The following SPATA16 variants were observed in gnomAD, a reference collection of about 807,000 sequenced individuals.
The protein encoded by SPATA16 is spermatogenesis associated 16, also known as spermatogenesis-associated protein 16.
Under a neutral mutation model 63.3 loss-of-function variants are expected in SPATA16, and 36 were observed. That is an observed-to-expected ratio of 0.57 (90% CI 0.44 to 0.75). The LOEUF (loss-of-function observed/expected upper bound fraction) is 0.75, where lower values mean the gene tolerates loss of function less well. Among genes scored for constraint, SPATA16 ranks in the 30% least tolerant of loss-of-function variants. SPATA16 has a pLI of 0.00. For synonymous variants in SPATA16, 203 were observed against 216.7 expected, an observed-to-expected ratio of 0.94 and a Z score of 0.56; for missense variants, 646 against 679.3, an observed-to-expected ratio of 0.95 and a Z score of 0.54.
chr3:173,034,880 G>T (rs1461263767), intron 3 of SPATA16, among the ~76,000 whole-genome samples: 1 of 152,072 alleles, frequency 6.6e-6, no homozygotes, highest in African/African-American at 2.4e-5. Flanking sequence ...ATAAATGAAT[G>T]TATTAATGGT....
chr3:172,895,561 C>T (rs1002974676), intron 10 of SPATA16, among the ~76,000 whole-genome samples: 1 of 152,104 alleles, frequency 6.6e-6, no homozygotes, highest in Non-Finnish European at 1.5e-5. Flanking sequence ...GTCTTGAACT[C>T]CTGGCCTCAA....
intron 8 of SPATA16, among the ~76,000 whole-genome samples, chr3:172,920,156 C>G (rs1161061303): frequency 1.3e-5 from 2 of 152,142 alleles, no homozygotes; most frequent in African/African-American, 4.8e-5. Flanking sequence ...TGATTTTGAG[C>G]CCTAGCTGTG....
At chr3:173,039,956 C>G (rs1349140245) in intron 3 of SPATA16, among the ~76,000 whole-genome samples, 2 of 152,102 alleles carry the variant, frequency 1.3e-5, no homozygotes, top group African/African-American at 4.8e-5. Flanking sequence ...GAAGGCTCCT[C>G]AGGGAATCTG....
chr3:173,093,040 AACAC>A (rs57114377), intron 2 of SPATA16, among the ~76,000 whole-genome samples: 6,466 of 142,572 alleles, frequency 0.045, 169 homozygotes, highest in East Asian at 0.067. Flanking sequence ...ATGCACCTAA[AACAC>A]ACACACACAC....
At chr3:173,086,819 T>C (rs1465394088) in intron 2 of SPATA16, among the ~76,000 whole-genome samples, 1 of 152,200 alleles carries the variant, frequency 6.6e-6, no homozygotes, top group Non-Finnish European at 1.5e-5. Flanking sequence ...AGCAGGTTGT[T>C]CAATTTCCAT....
At chr3:173,068,021 C>T (rs953467466) in intron 2 of SPATA16, among the ~76,000 whole-genome samples, 72 of 152,198 alleles carry the variant, frequency 4.7e-4, no homozygotes, top group Middle Eastern at 3.2e-3. Flanking sequence ...AATTATCCTT[C>T]AAACATGAAG....
At position 172,904,679 on chromosome 3, in the gene SPATA16, G is replaced by T. The variant is rs190860772; in HGVS notation, c.1587+8982C>A. Among the ~76,000 whole-genome samples the T allele has an allele frequency of 3.2e-3, 494 of 152,308 alleles. 3 individuals carry two copies. Among genetic ancestry groups the T allele is most frequent in the African/African-American group, 0.011 (468 of 41,574 alleles). The stretch of plus-strand genomic sequence containing the variant: ...ACCTATTAACCTTATACTTTTCCCT[G>T]GAAGTCAGAGGAGAAAGATGTTGGT... On this transcript the variant is annotated intron_variant, in intron 10 of 10. Transcript: ENST00000351008.
chr3:173,010,261 C>G (rs578057910), intron 4 of SPATA16, among the ~76,000 whole-genome samples: 2 of 152,274 alleles, frequency 1.3e-5, no homozygotes, highest in African/African-American at 4.8e-5. Flanking sequence ...CCTCTGTTGC[C>G]CCCAGGTTGG....
intron 6 of SPATA16, among the ~76,000 whole-genome samples, chr3:172,949,427 T>TA (rs1314006760): frequency 6.6e-6 from 1 of 152,138 alleles, no homozygotes; most frequent in Non-Finnish European, 1.5e-5. Flanking sequence ...CTCTACAAAG[T>TA]AAAAAAATTT....
chr3:173,069,026 C>T (rs980239487), intron 2 of SPATA16, among the ~76,000 whole-genome samples: 8 of 149,654 alleles, frequency 5.3e-5, no homozygotes, highest in Admixed American at 4.0e-4. Context: ...AGGAGAATGG[C>T]GTGAACCCGG....
At chr3:173,038,708 G>A (rs758037162) in intron 3 of SPATA16, among the ~76,000 whole-genome samples, 1 of 152,082 alleles carries the variant, frequency 6.6e-6, no homozygotes, top group Non-Finnish European at 1.5e-5. Flanking sequence ...GTGCTAAATC[G>A]AGCAAATGTG....
intron 4 of SPATA16, among the ~76,000 whole-genome samples, chr3:172,985,261 C>G (rs1366414373): frequency 6.6e-6 from 1 of 152,162 alleles, no homozygotes; most frequent in African/African-American, 2.4e-5. Flanking sequence ...AAATCTATAG[C>G]AAATATATGC....
At chr3:172,941,978 A>T (rs1314763022) in intron 6 of SPATA16, among the ~76,000 whole-genome samples, 2 of 152,148 alleles carry the variant, frequency 1.3e-5, no homozygotes, top group African/African-American at 4.8e-5. Context: ...ATTTAATGTT[A>T]TTGTAAATAA....
At chr3:172,895,064 G>C (rs1482436776) in intron 10 of SPATA16, among the ~76,000 whole-genome samples, 1 of 152,142 alleles carries the variant, frequency 6.6e-6, no homozygotes, top group Non-Finnish European at 1.5e-5. Flanking sequence ...TTAAACTTTT[G>C]TGTTGGGATA....
intron 4 of SPATA16, among the ~76,000 whole-genome samples, chr3:173,014,432 A>G (rs1735135436): frequency 6.6e-6 from 1 of 152,170 alleles, no homozygotes; most frequent in Non-Finnish European, 1.5e-5. Flanking sequence ...GGGTACTGCT[A>G]AAGTGGGGAG....
intron 4 of SPATA16, among the ~76,000 whole-genome samples, chr3:172,992,656 G>A (rs1229732711): frequency 1.3e-5 from 2 of 152,120 alleles, no homozygotes; most frequent in African/African-American, 4.8e-5. Flanking sequence ...CTGGGTAGAA[G>A]GGAGTTGATG....
chr3:173,009,954 G>C lies in SPATA16; in HGVS notation c.848+9532C>G, dbSNP rs571366326. On this transcript the variant is annotated intron_variant, in intron 4 of 10. Coordinates refer to ENST00000351008, the MANE Select transcript of SPATA16 (RefSeq NM_031955.6). ...TTACTATATGCAAATAAAGTTCCGT[G>C]ACCAGTCTGATTGGTTGTGGGAGGG... 5.9e-5 allele frequency among the ~76,000 whole-genome samples: 9 copies of C among 152,298 alleles called. No homozygotes were observed. In the South Asian group the frequency reaches 1.9e-3, roughly 32 times the overall value.
intron 1 of SPATA16, among the ~76,000 whole-genome samples, chr3:173,124,004 G>C (rs1738159723): frequency 6.6e-6 from 1 of 152,064 alleles, no homozygotes; most frequent in East Asian, 1.9e-4. Context: ...AAAATGATGT[G>C]GACATAAAAC....
chr3:172,912,453 T>G (rs912050443), intron 10 of SPATA16, among the ~76,000 whole-genome samples: 1 of 152,110 alleles, frequency 6.6e-6, no homozygotes, highest in Non-Finnish European at 1.5e-5. Flanking sequence ...AGTTTCTGGG[T>G]TTTTTTGTAC....
Sources: gnomAD v4.1 joint callset for allele counts (sites outside exome capture counted in the v4.1 genomes callset) on GRCh38, gnomAD v4.1.1 for gene constraint, MANE v1.5 for transcripts, NCBI Gene and HGNC (gene_info 2026-07-23, HGNC 2026-07-21) for gene names.